The following UVRAG variants were observed in gnomAD, a reference collection of about 807,000 sequenced individuals.
The protein encoded by UVRAG is UV radiation resistance-associated gene protein.
In UVRAG, 19 loss-of-function variants were observed where a neutral mutation model predicts 78.0. The ratio of observed to expected loss-of-function variants is 0.24; its 90% CI spans 0.17 to 0.36. The LOEUF (loss-of-function observed/expected upper bound fraction) is 0.36, where lower values mean the gene tolerates loss of function less well. UVRAG is among the 10% of genes least tolerant of loss of function. The pLI is 1.00. For synonymous variants in UVRAG, 323 were observed against 324.6 expected (o/e 1.00, Z 0.05); for missense variants, 740 against 853.8 (o/e 0.87, Z 1.66).
chr11:75,970,732 CAA>C (rs59187207), intron 7 of UVRAG, among the ~76,000 whole-genome samples: 19 of 66,322 alleles, frequency 2.9e-4, no homozygotes, highest in Non-Finnish European at 2.0e-4. Context: ...GACTCCATCT[CAA>C]AAAAAAAAAA....
At chr11:75,897,047 A>G (rs1947357872) in intron 5 of UVRAG, among the ~76,000 whole-genome samples, 3 of 152,216 alleles carry the variant, frequency 2.0e-5, no homozygotes, top group African/African-American at 4.8e-5. Flanking sequence ...TCTCACTTTA[A>G]TGGAAAAAAT....
At chr11:75,847,464 T>A (rs987450444) in intron 1 of UVRAG, among the ~76,000 whole-genome samples, 3 of 151,516 alleles carry the variant, frequency 2.0e-5, no homozygotes, top group Non-Finnish European at 4.4e-5. Flanking sequence ...AGATAGGGTC[T>A]CACTATGTTG....
intron 14 of UVRAG, among the ~76,000 whole-genome samples, chr11:76,121,335 A>G (rs1296552682): frequency 6.6e-6 from 1 of 152,204 alleles, no homozygotes; most frequent in African/African-American, 2.4e-5. Flanking sequence ...CCTAGTCGTA[A>G]CTGCCAAGCA....
intron 14 of UVRAG, among the ~76,000 whole-genome samples, chr11:76,138,721 C>T (rs1484822814): frequency 6.6e-6 from 1 of 152,228 alleles, no homozygotes; most frequent in Non-Finnish European, 1.5e-5. Context: ...CAACAAGTCA[C>T]CTTCAGTGTT....
chr11:76,129,721 C>A (rs1952478188), intron 14 of UVRAG, among the ~76,000 whole-genome samples: 1 of 152,134 alleles, frequency 6.6e-6, no homozygotes, highest in Admixed American at 6.5e-5. Context: ...TTCTGTTTGT[C>A]TATGTCTGTA....
chr11:75,856,714 G>A, intron 2 of UVRAG, among the ~76,000 whole-genome samples: 1 of 152,124 alleles, frequency 6.6e-6, no homozygotes, highest in East Asian at 1.9e-4. Context: ...CAAAGTGCTG[G>A]GATTATAGGC....
At chr11:76,113,359 A>G (rs890419649) in intron 13 of UVRAG, among the ~76,000 whole-genome samples, 2 of 152,100 alleles carry the variant, frequency 1.3e-5, no homozygotes, top group Non-Finnish European at 2.9e-5. Context: ...AAAGTGGTAT[A>G]AGAGTGCTAA....
chr11:75,959,658 G>A (rs569438934), intron 6 of UVRAG, among the ~76,000 whole-genome samples: 1 of 152,332 alleles, frequency 6.6e-6, no homozygotes, highest in African/African-American at 2.4e-5. Context: ...CACTGGAGTA[G>A]CACTTTTAAT....
chr11:76,012,266 C>T (rs1435632286), intron 11 of UVRAG, among the ~76,000 whole-genome samples: 2 of 150,568 alleles, frequency 1.3e-5, no homozygotes, highest in Non-Finnish European at 1.5e-5. Context: ...ATTCTCACAA[C>T]TGTGAGAATT....
intron 12 of UVRAG, among the ~76,000 whole-genome samples, chr11:76,057,846 TG>T (rs1481775025): frequency 5.3e-5 from 8 of 152,128 alleles, no homozygotes; most frequent in Non-Finnish European, 1.2e-4. Flanking sequence ...TACTCGATCA[TG>T]GGGGAAAAAT....
At position 76,108,051 on chromosome 11, in the gene UVRAG, T is replaced by C. The variant is rs1952001990; in HGVS notation, c.1306-7873T>C. Among the ~76,000 whole-genome samples the C allele has an allele frequency of 2.0e-5, 3 of 152,148 alleles. No individual in the cohort carries two copies. In the South Asian group the frequency reaches 6.2e-4, roughly 32 times the overall value. On this transcript the variant is annotated intron_variant, in intron 13 of 14. Coordinates refer to ENST00000356136, the MANE Select transcript of UVRAG (RefSeq NM_003369.4). ...TCTTTTAGTAACCTTTTTTGAAGCA[T>C]TGTATTAATCCACATTCCCTCACGA... is the stretch of plus-strand genomic sequence containing the variant.
intron 5 of UVRAG, among the ~76,000 whole-genome samples, chr11:75,898,431 C>T (rs1947401756): frequency 6.6e-6 from 1 of 152,118 alleles, no homozygotes; most frequent in African/African-American, 2.4e-5. Flanking sequence ...GTCTATCTCT[C>T]TCTCTTTCTA....
At chr11:76,025,227 G>T (rs936616645) in intron 12 of UVRAG, among the ~76,000 whole-genome samples, 1 of 152,148 alleles carries the variant, frequency 6.6e-6, no homozygotes, top group Non-Finnish European at 1.5e-5. Context: ...GAGTCCAGCT[G>T]CAGTGTTCCT....
rs545197509 is a variant in UVRAG, at chr11:76,003,302, C to T, written c.827-703C>T. On this transcript the variant is annotated intron_variant, in intron 8 of 14. Transcript: ENST00000356136. ...TTTTTTTTTTTTGGAGACAGAGTCTCGTTCTCTTGCCCAGGCTGGAGTGCA... is the reference window on the plus strand; with the variant it reads ...TTTTTTTTTTTTGGAGACAGAGTCTTGTTCTCTTGCCCAGGCTGGAGTGCA... Among the ~76,000 whole-genome samples the T allele has an allele frequency of 1.0e-4, 10 of 98,622 alleles. No homozygotes were observed. The South Asian group carries it at 1.8e-3, about 18-fold the overall frequency. 64.7% of individuals were successfully genotyped at this position (98,622 alleles called of 152,430 possible).
intron 3 of UVRAG, among the ~76,000 whole-genome samples, chr11:75,862,100 A>T (rs2134786662): frequency 6.6e-6 from 1 of 152,302 alleles, no homozygotes; most frequent in South Asian, 2.1e-4. Context: ...TAAAATAAAA[A>T]AAGAAAAAAA....
Position 75,974,351 on chromosome 11 carries a change from C to CTT in UVRAG, c.700-9011_700-9010dup, listed in dbSNP as rs1188190094. ...TGTCTGTTGGCTGCATAAATGTCTT[C>CTT]TTTTTTTTTTTTTTTTTTTTTTTTT... On this transcript the variant is annotated intron_variant, in intron 7 of 14. Coordinates refer to ENST00000356136, the MANE Select transcript of UVRAG (RefSeq NM_003369.4). 4.4e-3 allele frequency among the ~76,000 whole-genome samples: 372 copies of CTT among 83,712 alleles called. 40 individuals are homozygous for CTT. The highest frequency in any genetic ancestry group is 7.4e-3 in the East Asian group (17 of 2,294). The allele number at this position is 83,712 out of a possible 152,430, so 54.9% of individuals were successfully genotyped here. A position where few individuals can be genotyped will look rare whatever the true frequency, so the allele number is the denominator to read the frequency against.
intron 1 of UVRAG, among the ~76,000 whole-genome samples, chr11:75,831,852 C>G (rs1030556376): frequency 2.6e-5 from 4 of 152,168 alleles, no homozygotes; most frequent in African/African-American, 9.7e-5. Context: ...CGTAGCTTAG[C>G]CTAGCCTGTG....
At chr11:75,877,111 T>C (rs1221609006) in intron 3 of UVRAG, among the ~76,000 whole-genome samples, 1 of 151,730 alleles carries the variant, frequency 6.6e-6, no homozygotes, top group African/African-American at 2.4e-5. Flanking sequence ...CCGCCCTTAA[T>C]CCATTTAACC....
chr11:75,952,364 G>A (rs910337076), intron 6 of UVRAG, among the ~76,000 whole-genome samples: 2 of 151,994 alleles, frequency 1.3e-5, no homozygotes, highest in African/African-American at 4.8e-5. Flanking sequence ...TTGATTGTAA[G>A]TATAGGATTA....
Sources: gnomAD v4.1 joint callset for allele counts (sites outside exome capture counted in the v4.1 genomes callset) on GRCh38, gnomAD v4.1.1 for gene constraint, MANE v1.5 for transcripts, NCBI Gene and HGNC (gene_info 2026-07-23, HGNC 2026-07-21) for gene names.